Variants in CASD1 observed in about 807,000 individuals in gnomAD.
CASD1 encodes N-acetylneuraminate (7)9-O-acetyltransferase.
A neutral mutation model predicts 100.0 loss-of-function variants in CASD1; 41 were observed. That is an observed-to-expected ratio of 0.41 (90% CI 0.32 to 0.53). CASD1 has a LOEUF of 0.53. Ranked by LOEUF, CASD1 falls within the 20% of genes least tolerant of loss-of-function variation. The pLI is 0.25. For missense variants in CASD1, 774 were observed against 948.7 expected (o/e 0.82, Z 2.42); for synonymous variants, 321 against 315.6 (o/e 1.02, Z -0.18).
chr7:94,527,212 T>C lies in CASD1; in HGVS notation c.396+6T>C. The C allele has an allele frequency of 6.3e-7, 1 of 1,598,644 alleles. No homozygotes were observed. The highest frequency in any genetic ancestry group is 8.6e-7 in the Non-Finnish European group (1 of 1,166,746). On this transcript the variant is annotated splice_donor_region_variant and intron_variant, in intron 4 of 17. Coordinates refer to ENST00000297273, the MANE Select transcript of CASD1 (RefSeq NM_022900.5). ...AGACTGCATCAGTTAAAGTGGTAAG[T>C]TCATGTAATAGTAAGCTAGATGTTA...
At chr7:94,585,586 C>T in the CASD1 span, 1 of 947,116 alleles carries the variant, frequency 1.1e-6, no homozygotes, top group Admixed American at 1.7e-5. Context: ...TTGAGCAAAG[C>T]AAATTATGGC....
the CASD1 span, among the ~76,000 whole-genome samples, chr7:94,566,215 A>T: frequency 6.6e-6 from 1 of 152,220 alleles, no homozygotes; most frequent in Non-Finnish European, 1.5e-5. Context: ...GGGCTTCATC[A>T]AAACACCAGA....
Position 94,523,514 on chromosome 7 carries a change from T to C in CASD1, c.352-3648T>C, listed in dbSNP as rs148530366. Among the ~76,000 whole-genome samples the C allele has an allele frequency of 5.9e-4, 90 of 152,326 alleles. 1 individual carries two copies. The East Asian group carries it at 0.017, about 29-fold the overall frequency. ...ATAAACAGCAAATGTGGAAGATCTG[T>C]ATGCAGAAAAGCCATAAAAATTTAT... is the stretch of plus-strand genomic sequence containing the variant. On this transcript the variant is annotated intron_variant, in intron 3 of 17. Transcript: ENST00000297273.
the CASD1 span, chr7:94,599,727 GAAACA>G: frequency 2.5e-6 from 4 of 1,586,726 alleles, no homozygotes; most frequent in South Asian, 4.4e-5. Flanking sequence ...CTTTTCCCTA[GAAACA>G]AAACAAAATT....
the CASD1 span, chr7:94,588,269 T>TC: frequency 9.6e-7 from 1 of 1,044,272 alleles, no homozygotes; most frequent in East Asian, 8.4e-5. Context: ...TTCTCATTTA[T>TC]CCCCCTGAAG....
At chr7:94,554,415 G>C (rs1023065341) in intron 16 of CASD1, 68 bp from the exon 17 acceptor site, 3 of 1,005,146 alleles carry the variant, frequency 3.0e-6, no homozygotes, top group Admixed American at 2.2e-5. Context: ...TCATTTAAAA[G>C]AAAGCTTTAT....
chr7:94,630,997 A>T, the CASD1 span, among the ~76,000 whole-genome samples: 1 of 151,930 alleles, frequency 6.6e-6, no homozygotes, highest in African/African-American at 2.4e-5. Flanking sequence ...GAAAAGGGGG[A>T]ACTGAGCTAA....
chr7:94,629,428 A>C, the CASD1 span: 930 of 299,346 alleles, frequency 3.1e-3, 11 homozygotes, highest in African/African-American at 0.019. Flanking sequence ...GAAAATCATA[A>C]GTTTACAGCT....
chr7:94,599,937 A>G, the CASD1 span: 1 of 407,572 alleles, frequency 2.5e-6, no homozygotes, highest in Non-Finnish European at 4.3e-6. Context: ...AAAAATGAAA[A>G]AAATGGAGAT....
At chr7:94,595,836 C>T in the CASD1 span, among the ~76,000 whole-genome samples, 1 of 152,066 alleles carries the variant, frequency 6.6e-6, no homozygotes, top group Admixed American at 6.6e-5. Context: ...ACCATAGAGA[C>T]TGTGCACATA....
At chr7:94,559,308 G>A (rs13241938), downstream of CASD1, among the ~76,000 whole-genome samples, 221 of 123,756 alleles carry the variant, frequency 1.8e-3, no homozygotes, top group East Asian at 6.6e-3. Flanking sequence ...GTGTGTGTAT[G>A]TGTGTGTGTG....
chr7:94,576,797 C>G, the CASD1 span, among the ~76,000 whole-genome samples: 1 of 152,140 alleles, frequency 6.6e-6, no homozygotes, highest in African/African-American at 2.4e-5. Flanking sequence ...ATCCATGTAA[C>G]TCCTCCCTCT....
chr7:94,613,715 G>A, the CASD1 span, among the ~76,000 whole-genome samples: 1 of 152,116 alleles, frequency 6.6e-6, no homozygotes, highest in Non-Finnish European at 1.5e-5. Flanking sequence ...TCCAATGATT[G>A]TATTTTTTCC....
Position 94,537,793 on chromosome 7 carries a change from C to G in CASD1, c.1165C>G (p.Leu389Val). 6.2e-7 allele frequency: 1 copy of G among 1,612,746 alleles called. No homozygotes were observed. The highest frequency in any genetic ancestry group is 8.5e-7 in the Non-Finnish European group (1 of 1,178,972). ...TTTCTATATGTGTGACCGTGCAAAT[C>G]TGTTCATGAAGGAAAACAAATTTTA... ...AYFYMCDRAN[L>V]FMKENKFYTH... Residue 389 changes from leucine (L) to valine (V), a missense_variant, in exon 9 of 18, where the codon CTG (leucine) becomes GTG (valine). Around this residue, in one of 5 missense-constraint regions of CASD1, gnomAD observed 453 missense variants for 532.6 expected, o/e 0.85. Coordinates refer to ENST00000297273, the MANE Select transcript of CASD1 (RefSeq NM_022900.5).
At chr7:94,608,797 AG>A in the CASD1 span, among the ~76,000 whole-genome samples, 9 of 152,254 alleles carry the variant, frequency 5.9e-5, no homozygotes, top group Non-Finnish European at 1.5e-5. Flanking sequence ...TCTGTGGCAA[AG>A]GAGCAAAGGC....
At chr7:94,521,699 A>G (rs1252236296) in intron 3 of CASD1, among the ~76,000 whole-genome samples, 1 of 152,224 alleles carries the variant, frequency 6.6e-6, no homozygotes, top group Non-Finnish European at 1.5e-5. Context: ...ACATACGCAC[A>G]CACAATTATA....
At chr7:94,595,512 T>C in the CASD1 span, among the ~76,000 whole-genome samples, 2 of 152,192 alleles carry the variant, frequency 1.3e-5, no homozygotes, top group East Asian at 3.9e-4. Flanking sequence ...CATGCCCTTA[T>C]AGGAAGGGTA....
chr7:94,585,940 A>G, the CASD1 span, among the ~76,000 whole-genome samples: 3 of 151,732 alleles, frequency 2.0e-5, no homozygotes, highest in Non-Finnish European at 4.4e-5. Flanking sequence ...AGTTAGTGCA[A>G]TTGTCAGCTT....
chr7:94,596,987 G>A, the CASD1 span, among the ~76,000 whole-genome samples: 1 of 152,030 alleles, frequency 6.6e-6, no homozygotes, highest in East Asian at 1.9e-4. Flanking sequence ...ATAAGAGGTT[G>A]TTAAATTCTG....
Sources: allele counts gnomAD v4.1 joint callset (sites outside exome capture counted in the v4.1 genomes callset), GRCh38; gene constraint gnomAD v4.1.1; regional missense constraint gnomAD v4.1.1; transcripts MANE v1.5; gene names NCBI Gene and HGNC (gene_info 2026-07-23, HGNC 2026-07-21).